RARA: variants seen among roughly 807,000 people sequenced by gnomAD.
RARA encodes retinoic acid receptor alpha, also known as PML-DDX5-RARA fusion.
A neutral mutation model predicts 42.8 loss-of-function variants in RARA; 5 were observed. The observed-to-expected ratio is 0.12, with a 90% CI of 0.06 to 0.25. The LOEUF is 0.25. Ranked by LOEUF, RARA falls within the 10% of genes least tolerant of loss-of-function variation. RARA has a pLI of 1.00. For synonymous variants in RARA, 256 were observed against 259.5 expected, an observed-to-expected ratio of 0.99 and a Z score of 0.13; for missense variants, 402 against 628.7, an observed-to-expected ratio of 0.64 and a Z score of 3.86.
chr17:40,341,614 C>G, intron 2 of RARA: 1 of 1,352,654 alleles, frequency 7.4e-7, no homozygotes, highest in South Asian at 1.8e-5. Context: ...TCACGGGCAG[C>G]GGTGGGTGGG....
rs1665505928 is a variant in RARA, at chr17:40,345,216, G to C, written c.179-3100G>C. 1 of 153,890 alleles carries C rather than the reference G, an allele frequency of 6.5e-6. No individual in the cohort carries two copies. Among genetic ancestry groups the C allele is most frequent in the African/African-American group, 2.4e-5 (1 of 41,576 alleles). The allele number at this position is 153,890 out of a possible 1,614,324, so 9.5% of individuals were successfully genotyped here. ...CACGTGGATGCCCGTAGTTGGGGGA[G>C]GGGGAGACGCTTATCAGGCGGCCGC... On this transcript the variant is annotated intron_variant, in intron 2 of 8. Transcript: ENST00000254066. The surrounding 1 kb of genome is among the most constrained non-coding windows in gnomAD (Gnocchi z 4.8).
Position 40,335,612 on chromosome 17 carries a change from C to T in RARA, c.178+4216C>T, listed in dbSNP as rs572994392. Among the ~76,000 whole-genome samples the T allele has an allele frequency of 1.8e-4, 27 of 152,080 alleles. No individual in the cohort carries two copies. In the South Asian group the frequency reaches 5.6e-3, roughly 32 times the overall value. ...GGCTGAGGCTAGAGAATCGCTTGAA[C>T]CCAGGAGGCAGAGGTTGCAGTAAAC... On this transcript the variant is annotated intron_variant, in intron 2 of 8. Transcript: ENST00000254066.
At chr17:40,336,115 G>A (rs1019256599) in intron 2 of RARA, among the ~76,000 whole-genome samples, 1 of 152,088 alleles carries the variant, frequency 6.6e-6, no homozygotes, top group Non-Finnish European at 1.5e-5. Context: ...CTGCTCTGTC[G>A]CCCAGGCTGG....
Position 40,354,176 on chromosome 17 carries a change from A to G in RARA, c.808-126A>G. On this transcript the variant is annotated intron_variant, in intron 6 of 8. Transcript: ENST00000254066. The surrounding 1 kb of genome is among the most constrained non-coding windows in gnomAD (Gnocchi z 4.5). ...CCTTTCCATCATTGTAGAAAATTCT[A>G]TCAGACAGCATTGCTCCGGCCACCT... 2 of 834,506 alleles carry G rather than the reference A, an allele frequency of 2.4e-6. No individual in the cohort carries two copies. Among genetic ancestry groups the G allele is most frequent in the Non-Finnish European group, 3.8e-6 (2 of 525,808 alleles). The allele number at this position is 834,506 out of a possible 1,614,324, so 51.7% of individuals were successfully genotyped here.
At chr17:40,350,939 AGGACCAGGGAGG>A (rs1319313927) in intron 4 of RARA, among the ~76,000 whole-genome samples, 1 of 151,948 alleles carries the variant, frequency 6.6e-6, no homozygotes, top group Non-Finnish European at 1.5e-5. Context: ...TCATGGCAGA[AGGACCAGGGAGG>A]GGACCCCTTC....
In RARA at chr17:40,355,290, G is replaced by T. The variant is rs762709825; in HGVS notation, c.1040G>T (p.Arg347Leu). The change falls in exon 8 of 9, where the codon CGG (arginine) becomes CTG (leucine). Residue 347 changes from arginine to leucine, a missense_variant. Around this residue, in one of 5 missense-constraint regions of RARA, gnomAD observed 104 missense variants for 160.1 expected, o/e 0.65. Transcript: ENST00000254066. This position sits in a 1 kb window ranked among gnomAD's most constrained non-coding sequence, Gnocchi z 4.1. ...GDRQDLEQPD[R>L]VDMLQEPLLE... ...CGCCAGGACCTGGAGCAGCCGGACC[G>T]GGTGGACATGCTGCAGGAGCCGCTG... 7.5e-6 allele frequency: 12 copies of T among 1,593,712 alleles called. No individual in the cohort carries two copies. Among genetic ancestry groups the T allele is most frequent in the South Asian group, 1.1e-5 (1 of 88,520 alleles).
At position 40,356,149 on chromosome 17, in the gene RARA, G is replaced by GC. The variant is rs745553450; in HGVS notation, c.1319dup (p.Pro441AlafsTer5). 11 of 1,552,062 alleles carry GC rather than the reference G, an allele frequency of 7.1e-6. No homozygotes were observed. Among genetic ancestry groups the GC allele is most frequent in the Non-Finnish European group, 9.6e-6 (11 of 1,147,400 alleles). ...TGGGGGGCGGGACGGGGGTGGCCTG[G>GC]CCCCCCCGCCAGGCAGCTGTAGCCC... On this transcript the variant is annotated frameshift_variant, in exon 9 of 9. Transcript: ENST00000254066. LOFTEE classifies it high-confidence loss of function.
rs71356657 is a variant in RARA at position 40,315,132 on chromosome 17, GTATATATATATATATA to G, written c.-363+5871_-363+5886del. ...TATATATATATATATGCTTATATGT[GTATATATATATATATA>G]TATATATATATATATATATATATAC... is the stretch of plus-strand genomic sequence containing the variant. On this transcript the variant is annotated intron_variant, in intron 1 of 8. Coordinates refer to ENST00000254066, the MANE Select transcript of RARA (RefSeq NM_000964.4). Among the ~76,000 whole-genome samples the G allele has an allele frequency of 5.0e-3, 320 of 64,184 alleles. 1 individual carries two copies. The highest frequency in any genetic ancestry group is 0.013 in the Admixed American group (58 of 4,638). 42.1% of individuals were successfully genotyped at this position (64,184 alleles called of 152,430 possible).
intron 1 of RARA, among the ~76,000 whole-genome samples, chr17:40,319,762 G>T (rs1018294211): frequency 6.6e-6 from 1 of 152,192 alleles, no homozygotes; most frequent in Non-Finnish European, 1.5e-5. Context: ...AGGCTGTGCC[G>T]GGGAAGCCCC....
At chr17:40,336,466 A>G (rs1327398285) in intron 2 of RARA, among the ~76,000 whole-genome samples, 1 of 152,128 alleles carries the variant, frequency 6.6e-6, no homozygotes, top group Non-Finnish European at 1.5e-5. Context: ...ATCTTGGCTC[A>G]CCGCAACCTC....
intron 1 of RARA, among the ~76,000 whole-genome samples, chr17:40,321,203 C>T (rs537003831): frequency 4.0e-5 from 6 of 151,776 alleles, no homozygotes; most frequent in South Asian, 4.2e-4. Flanking sequence ...GCAGGGTGGG[C>T]GGCATGTGGG....
chr17:40,345,760 G>A lies in RARA; in HGVS notation c.179-2556G>A, dbSNP rs1167996664. Reference sequence around the variant, plus strand: ...GCCAGGCCCGGGCAGTCCCTCCCCCGTTGGTGTCCCTCCCCACTCCACCTG... The same window carrying A: ...GCCAGGCCCGGGCAGTCCCTCCCCCATTGGTGTCCCTCCCCACTCCACCTG... On this transcript the variant is annotated intron_variant, in intron 2 of 8. Transcript: ENST00000254066. The surrounding 1 kb of genome is among the most constrained non-coding windows in gnomAD (Gnocchi z 4.8). 6.6e-6 allele frequency among the ~76,000 whole-genome samples: 1 copy of A among 152,162 alleles called. No homozygotes were observed. The highest frequency in any genetic ancestry group is 2.1e-4 in the South Asian group (1 of 4,832).
chr17:40,330,195 G>A (rs890568725), intron 1 of RARA, among the ~76,000 whole-genome samples: 1 of 152,198 alleles, frequency 6.6e-6, no homozygotes, highest in Non-Finnish European at 1.5e-5. Context: ...TTGCCTGGGG[G>A]TAGGAGGCTT....
rs1403006285 is a variant in RARA at position 40,331,059 on chromosome 17, AG to A, written c.-159del. On this transcript the variant is annotated 5_prime_UTR_variant, in exon 2 of 9. Transcript: ENST00000254066. ...GTGGGGGCTCCAGGAGACTGAGATT[AG>A]CCTGCCCTCTTTGGACAGCAGCTCC... 3.7e-6 allele frequency: 3 copies of A among 810,662 alleles called. No homozygotes were observed. The African/African-American group carries it at 5.3e-5, about 14-fold the overall frequency. 50.2% of individuals were successfully genotyped at this position (810,662 alleles called of 1,614,324 possible). A position where few individuals can be genotyped will look rare whatever the true frequency, so the allele number is the denominator to read the frequency against.
rs1319727310 is a variant in RARA, at chr17:40,331,142, C to T, written c.-77C>T. The T allele has an allele frequency of 2.0e-6, 3 of 1,467,374 alleles. No individual in the cohort carries two copies. In the African/African-American group the frequency reaches 4.2e-5, roughly 21 times the overall value. 90.9% of individuals were successfully genotyped at this position (1,467,374 alleles called of 1,614,324 possible). A position where few individuals can be genotyped will look rare whatever the true frequency, so the allele number is the denominator to read the frequency against. ...CCCATCTGGGCCCAGGCCCCATGCCCCGAGGAGGGGTGGTCTGAAGCCCAC... is the reference window on the plus strand; with the variant it reads ...CCCATCTGGGCCCAGGCCCCATGCCTCGAGGAGGGGTGGTCTGAAGCCCAC... On this transcript the variant is annotated 5_prime_UTR_variant, in exon 2 of 9. Coordinates refer to ENST00000254066, the MANE Select transcript of RARA (RefSeq NM_000964.4).
intron 2 of RARA, among the ~76,000 whole-genome samples, chr17:40,332,478 A>G (rs893623063): frequency 6.6e-6 from 1 of 152,174 alleles, no homozygotes; most frequent in African/African-American, 2.4e-5. Context: ...GGGCTGGGTC[A>G]GTGCCCCCTT....
chr17:40,347,443 C>A (rs1426671793), intron 2 of RARA, among the ~76,000 whole-genome samples: 1 of 152,210 alleles, frequency 6.6e-6, no homozygotes, highest in East Asian at 1.9e-4. Flanking sequence ...GGCATGGAGC[C>A]AGACACTGGG....
intron 2 of RARA, among the ~76,000 whole-genome samples, chr17:40,337,795 C>T (rs1192720816): frequency 1.3e-5 from 2 of 152,178 alleles, no homozygotes; most frequent in Non-Finnish European, 2.9e-5. Flanking sequence ...AGGTTGTGTC[C>T]TTCCCTTCTT....
At chr17:40,353,245 C>T (rs1353459208) in intron 6 of RARA, among the ~76,000 whole-genome samples, 3 of 151,612 alleles carry the variant, frequency 2.0e-5, no homozygotes, top group Non-Finnish European at 2.9e-5. Flanking sequence ...CTGCCGGGCA[C>T]TCGGTGAGGT....
Sources: allele counts gnomAD v4.1 joint callset (sites outside exome capture counted in the v4.1 genomes callset), GRCh38; gene constraint gnomAD v4.1.1; regional missense constraint gnomAD v4.1.1; non-coding constraint Gnocchi (gnomAD v3.1); transcripts MANE v1.5; gene names NCBI Gene and HGNC (gene_info 2026-07-23, HGNC 2026-07-21).